Variants in DYNC2H1 observed in about 807,000 individuals in gnomAD.
DYNC2H1 encodes cytoplasmic dynein 2 heavy chain 1.
Under a neutral mutation model 570.0 loss-of-function variants are expected in DYNC2H1, and 410 were observed. The observed-to-expected ratio is 0.72, with a 90% confidence interval of 0.66 to 0.78. The LOEUF (loss-of-function observed/expected upper bound fraction) is 0.78. Ranked by LOEUF, DYNC2H1 falls within the 30% of genes least tolerant of loss-of-function variation. The pLI is 0.00. For synonymous variants in DYNC2H1, 1,688 were observed against 1,677.6 expected, an observed-to-expected ratio of 1.01 and a Z score of -0.15; for missense variants, 4,865 against 5,046.4, an observed-to-expected ratio of 0.96 and a Z score of 1.09.
chr11:103,176,152 C>A (rs1389379276), intron 36 of DYNC2H1, 83 bp from the exon 37 acceptor site: 3 of 971,696 alleles, frequency 3.1e-6, no homozygotes, highest in Non-Finnish European at 4.3e-6. Context: ...ATTAATAATG[C>A]ATATCAAGGC....
Position 103,277,837 on chromosome 11 carries a change from C to A in DYNC2H1, c.10696-2511C>A, listed in dbSNP as rs117868547. Among the ~76,000 whole-genome samples the A allele has an allele frequency of 4.6e-5, 7 of 152,248 alleles. No homozygotes were observed. The East Asian group carries it at 1.3e-3, about 29-fold the overall frequency. ...TATGATGTTTAATTTTTTCAGAGGA[C>A]GCTTTTCTTTTCCCCAGATTCCAGG... On this transcript the variant is annotated intron_variant, in intron 70 of 88. Coordinates refer to ENST00000375735, the MANE Select transcript of DYNC2H1 (RefSeq NM_001377.3). This position sits in a 1 kb window ranked among gnomAD's most constrained non-coding sequence, Gnocchi z 4.3.
chr11:103,126,717 A>G (rs1353416810), intron 12 of DYNC2H1, among the ~76,000 whole-genome samples: 2 of 151,208 alleles, frequency 1.3e-5, no homozygotes, highest in Non-Finnish European at 1.5e-5. Context: ...GCTCACTGCA[A>G]GCTCCGCCTC....
At chr11:103,391,874 G>C (rs944211859) in intron 83 of DYNC2H1, among the ~76,000 whole-genome samples, 1 of 151,728 alleles carries the variant, frequency 6.6e-6, no homozygotes, top group African/African-American at 2.4e-5. Flanking sequence ...TCTCAGAGGG[G>C]TACCCAGCCG....
chr11:103,459,958 C>CCAAA (rs1555140355), intron 87 of DYNC2H1, among the ~76,000 whole-genome samples: 32 of 70,838 alleles, frequency 4.5e-4, no homozygotes, highest in African/African-American at 9.1e-4. Flanking sequence ...GACTCCGTCT[C>CCAAA]AAAAAAAAAA....
Position 103,321,033 on chromosome 11 carries a change from C to G in DYNC2H1, c.11730C>G (p.Ala3910=). The change falls in exon 81 of 89, where the codon GCC becomes GCG. Residue 3910 remains alanine (A), a synonymous_variant. Transcript: ENST00000375735. Reference sequence around the variant, plus strand: ...AGTGTTTTTTTAAAATTATAGGTGCCAAAGATGTACAATGGGAATTTGTAC... The same window carrying G: ...AGTGTTTTTTTAAAATTATAGGTGCGAAAGATGTACAATGGGAATTTGTAC... ...YNIIDRLFDG[A]KDVQWEFVHG... is the part of the protein sequence containing the mutation. 1 of 1,603,330 alleles carries G rather than the reference C, an allele frequency of 6.2e-7. No homozygotes were observed.
At position 103,179,114 on chromosome 11, in the gene DYNC2H1, G is replaced by A. The variant is rs1439578598; in HGVS notation, c.6228G>A (p.Leu2076=). 3 of 1,612,980 alleles carry A rather than the reference G, an allele frequency of 1.9e-6. No homozygotes were observed. Among genetic ancestry groups the A allele is most frequent in the Non-Finnish European group, 2.5e-6 (3 of 1,179,350 alleles). The stretch of plus-strand genomic sequence containing the variant: ...CTGTTCTGGATGATAATCGACTGCT[G>A]ACTATGCCCAGTGGAGAAAGGATTC... The part of the protein sequence containing the change: ...LNSVLDDNRL[L]TMPSGERIQF... Residue 2076 remains leucine (L), a synonymous_variant, in exon 39 of 89, where the codon CTG becomes CTA. Coordinates refer to ENST00000375735, the MANE Select transcript of DYNC2H1 (RefSeq NM_001377.3).
At chr11:103,114,993 G>A (rs1435630630) in intron 3 of DYNC2H1, among the ~76,000 whole-genome samples, 184 bp from the exon 4 acceptor site, 1 of 152,118 alleles carries the variant, frequency 6.6e-6, no homozygotes, top group Non-Finnish European at 1.5e-5. Context: ...GCACTAAGTA[G>A]ACTTCAGGAA....
intron 12 of DYNC2H1, among the ~76,000 whole-genome samples, chr11:103,128,613 A>G (rs1859113612): frequency 6.6e-6 from 1 of 152,212 alleles, no homozygotes; most frequent in Non-Finnish European, 1.5e-5. Flanking sequence ...AGCATTTAAC[A>G]TGCTTCAGTG....
intron 30 of DYNC2H1, among the ~76,000 whole-genome samples, chr11:103,164,587 T>A (rs570533776): frequency 6.6e-6 from 1 of 152,310 alleles, no homozygotes; most frequent in Admixed American, 6.5e-5. Flanking sequence ...GGTTTAAATA[T>A]TAATCTTTGC....
intron 15 of DYNC2H1, among the ~76,000 whole-genome samples, chr11:103,135,213 T>A (rs895796814): frequency 6.6e-6 from 1 of 152,128 alleles, no homozygotes; most frequent in African/African-American, 2.4e-5. Context: ...TACTACATCA[T>A]AAAATAAAGT....
rs148041854 is a variant in DYNC2H1 at position 103,444,811 on chromosome 11, A to G, written c.12456+8779A>G. 2.2e-3 allele frequency among the ~76,000 whole-genome samples: 340 copies of G among 152,336 alleles called. 3 individuals are homozygous for G. The highest frequency in any genetic ancestry group is 7.9e-3 in the African/African-American group (327 of 41,576). ...TAAGTACAGAATCTCTGAGACAGGA[A>G]TGTGCTTTGCTTGTTCAAGGAATGA... On this transcript the variant is annotated intron_variant, in intron 85 of 88. Coordinates refer to ENST00000375735, the MANE Select transcript of DYNC2H1 (RefSeq NM_001377.3).
At chr11:103,447,349 G>A (rs1044038762) in intron 85 of DYNC2H1, among the ~76,000 whole-genome samples, 2 of 149,910 alleles carry the variant, frequency 1.3e-5, no homozygotes, top group Non-Finnish European at 3.0e-5. Context: ...ACAAGACTAT[G>A]TCTATTAACT....
intron 82 of DYNC2H1, among the ~76,000 whole-genome samples, chr11:103,349,509 A>G (rs1939937204): frequency 6.6e-6 from 1 of 152,176 alleles, no homozygotes; most frequent in Non-Finnish European, 1.5e-5. Flanking sequence ...AGCATTTCAT[A>G]TAGTAATTAA....
At chr11:103,217,073 G>T (rs1745382480) in intron 55 of DYNC2H1, among the ~76,000 whole-genome samples, 1 of 151,910 alleles carries the variant, frequency 6.6e-6, no homozygotes, top group African/African-American at 2.4e-5. Flanking sequence ...CTCCCTCTTG[G>T]TAACTGTTAC....
intron 57 of DYNC2H1, 73 bp downstream of exon 57, chr11:103,220,856 C>G: frequency 7.1e-7 from 1 of 1,413,362 alleles, no homozygotes; most frequent in Non-Finnish European, 9.5e-7. Context: ...TTAAATATTT[C>G]TTATATTGTT....
chr11:103,285,792 T>C (rs2135351533), intron 73 of DYNC2H1, among the ~76,000 whole-genome samples: 1 of 152,222 alleles, frequency 6.6e-6, no homozygotes, highest in East Asian at 1.9e-4. Flanking sequence ...AAAATTCTTA[T>C]TAAAATAGGA....
chr11:103,468,661 A>G lies in DYNC2H1; in HGVS notation c.12721A>G (p.Ser4241Gly). Residue 4241 changes from serine (S) to glycine (G), a missense_variant, in exon 88 of 89, where the codon AGC becomes GGC. Coordinates refer to ENST00000375735, the MANE Select transcript of DYNC2H1 (RefSeq NM_001377.3). ...QLSENQLDSP[S>G]VSSVLPCFMG... ...TTCTGAAAATCAGCTTGATTCTCCC[A>G]GCGTGTCATCAGTGCTCCCTTGTTT... 1 of 1,613,804 alleles carries G rather than the reference A, an allele frequency of 6.2e-7. No homozygotes were observed. The highest frequency in any genetic ancestry group is 1.1e-5 in the South Asian group (1 of 91,044).
At chr11:103,456,154 T>C in intron 86 of DYNC2H1, 121 bp from the exon 87 acceptor site, 1 of 709,996 alleles carries the variant, frequency 1.4e-6, no homozygotes, top group Non-Finnish European at 2.2e-6. Context: ...TTTAATGGTA[T>C]TATTATTTAC....
chr11:103,378,492 C>T (rs1941494914), intron 83 of DYNC2H1, among the ~76,000 whole-genome samples: 1 of 152,154 alleles, frequency 6.6e-6, no homozygotes, highest in East Asian at 1.9e-4. Flanking sequence ...AGTAGATTTT[C>T]AGGCCACTGT....
Sources: gnomAD v4.1 joint callset for allele counts (sites outside exome capture counted in the v4.1 genomes callset) on GRCh38, gnomAD v4.1.1 for gene constraint, Gnocchi (gnomAD v3.1) non-coding constraint, MANE v1.5 for transcripts, NCBI Gene and HGNC (gene_info 2026-07-23, HGNC 2026-07-21) for gene names.